The following TECPR2 variants were observed in gnomAD, a reference collection of about 807,000 sequenced individuals.
TECPR2 encodes the protein tectonin beta-propeller repeat-containing protein 2.
A neutral mutation model predicts 138.1 loss-of-function variants in TECPR2; 65 were observed. That is an observed-to-expected ratio of 0.47 (90% CI 0.39 to 0.58). TECPR2 has a LOEUF of 0.58. Ranked by LOEUF, TECPR2 falls within the 20% of genes least tolerant of loss-of-function variation. The probability of loss-of-function intolerance (pLI) is 0.00; values close to 1 mark genes in which losing one functional copy is unlikely to be tolerated. For synonymous variants in TECPR2, 746 were observed against 749.8 expected (o/e 0.99, Z 0.08); for missense variants, 1,553 against 1,824.5 (o/e 0.85, Z 2.71).
At position 102,411,699 on chromosome 14, in the gene TECPR2, CAAAAAAAAAAAAAA is replaced by C. The variant is rs1173849759; in HGVS notation, c.481-2918_481-2905del. 7.2e-3 allele frequency among the ~76,000 whole-genome samples: 337 copies of C among 46,868 alleles called. 4 individuals carry two copies. Among genetic ancestry groups the C allele is most frequent in the East Asian group, 0.023 (44 of 1,910 alleles). 30.7% of individuals were successfully genotyped at this position (46,868 alleles called of 152,430 possible). On this transcript the variant is annotated intron_variant, in intron 4 of 19. Transcript: ENST00000359520. ...AGGTGAAATAAACAGCCATGTTGCT[CAAAAAAAAAAAAAA>C]AAAAAAAAAAAAAAAAAAGAAGATG...
intron 2 of TECPR2, among the ~76,000 whole-genome samples, chr14:102,393,456 A>G (rs1888232305): frequency 6.6e-6 from 1 of 152,230 alleles, no homozygotes; most frequent in East Asian, 1.9e-4. Flanking sequence ...CATTAACTCA[A>G]GCTCATTGGT....
intron 8 of TECPR2, 47 bp downstream of exon 8, chr14:102,432,175 C>A (rs1218012283): frequency 6.9e-7 from 1 of 1,446,360 alleles, no homozygotes; most frequent in East Asian, 2.5e-5. Flanking sequence ...ACAGTCTTTC[C>A]AGATTCTCTG....
chr14:102,463,412 GTC>G (rs1890462386), intron 16 of TECPR2, among the ~76,000 whole-genome samples: 1 of 100,982 alleles, frequency 9.9e-6, no homozygotes, highest in Admixed American at 1.4e-4. Context: ...GCGAGACTCC[GTC>G]TCAAAAAAAA....
At chr14:102,427,248 TATTA>T (rs1256312097) in intron 6 of TECPR2, among the ~76,000 whole-genome samples, 3 of 152,234 alleles carry the variant, frequency 2.0e-5, no homozygotes, top group African/African-American at 4.8e-5. Flanking sequence ...TATGTGCACT[TATTA>T]ATTAGTAGCA....
chr14:102,436,040 A>G (rs918419207), intron 9 of TECPR2, among the ~76,000 whole-genome samples: 2 of 152,192 alleles, frequency 1.3e-5, no homozygotes, highest in Non-Finnish European at 2.9e-5. Context: ...AGTGCTCACC[A>G]TGTGCAGGTA....
At position 102,465,266 on chromosome 14, in the gene TECPR2, A is replaced by T. The variant is rs566443897; in HGVS notation, c.3766A>T (p.Ile1256Leu). 6.2e-7 allele frequency: 1 copy of T among 1,614,018 alleles called. No homozygotes were observed. The highest frequency in any genetic ancestry group is 1.7e-5 in the Admixed American group (1 of 59,986). ...LNPSLMLPAW[I>L]MIEPPVQPAG... The stretch of plus-strand genomic sequence containing the variant: ...TCCCAGTCTCATGCTTCCAGCCTGG[A>T]TAATGATTGAGCCACCTGTCCAGGT... Residue 1256 changes from isoleucine to leucine, a missense_variant, in exon 17 of 20, where the codon ATA (isoleucine) becomes TTA (leucine). Physicochemically the swap from Ile to Leu is conservative, Grantham distance 5. Transcript: ENST00000359520.
chr14:102,384,908 G>A (rs935137162), intron 2 of TECPR2, among the ~76,000 whole-genome samples: 5 of 131,232 alleles, frequency 3.8e-5, no homozygotes, highest in African/African-American at 1.1e-4. Context: ...CCTGGCTGGA[G>A]TGCAGTGGTG....
chr14:102,376,041 G>T (rs1251384141), intron 1 of TECPR2, among the ~76,000 whole-genome samples: 1 of 152,192 alleles, frequency 6.6e-6, no homozygotes, highest in East Asian at 1.9e-4. Flanking sequence ...AGAGTAAGGT[G>T]CTGTGTGGCT....
At chr14:102,478,204 C>T (rs1184737947) in intron 17 of TECPR2, among the ~76,000 whole-genome samples, 2 of 151,746 alleles carry the variant, frequency 1.3e-5, no homozygotes, top group Non-Finnish European at 2.9e-5. Context: ...TGCACCACCG[C>T]ACCTAGCTAA....
intron 17 of TECPR2, among the ~76,000 whole-genome samples, chr14:102,470,354 C>G (rs1439841202): frequency 6.7e-6 from 1 of 150,312 alleles, no homozygotes. Context: ...GTCACCCAGG[C>G]TAGAGGATGT....
In TECPR2 at chr14:102,500,014, TCA is replaced by T. The variant is rs1405060397; in HGVS notation, c.*1759_*1760del. ...TGTCTGTTGTGCCTTGCCCGGCGCCTCACGGATGGCAAAGCTCTCCTCACCCA... is the reference window on the plus strand; with the variant it reads ...TGTCTGTTGTGCCTTGCCCGGCGCCTCGGATGGCAAAGCTCTCCTCACCCA... On this transcript the variant is annotated 3_prime_UTR_variant, in exon 20 of 20. Transcript: ENST00000359520. The T allele has an allele frequency of 2.6e-5, 4 of 152,682 alleles. No individual in the cohort carries two copies. The highest frequency in any genetic ancestry group is 9.6e-5 in the African/African-American group (4 of 41,460). 9.5% of individuals were successfully genotyped at this position (152,682 alleles called of 1,614,324 possible).
intron 17 of TECPR2, among the ~76,000 whole-genome samples, chr14:102,473,266 C>T (rs1422666862): frequency 1.3e-5 from 2 of 152,192 alleles, no homozygotes; most frequent in Non-Finnish European, 2.9e-5. Context: ...CCTCACACGT[C>T]GTATTTTAGG....
At chr14:102,412,454 C>CA (rs995464994) in intron 4 of TECPR2, among the ~76,000 whole-genome samples, 1 of 151,892 alleles carries the variant, frequency 6.6e-6, no homozygotes, top group Non-Finnish European at 1.5e-5. Flanking sequence ...AATACAATAT[C>CA]AAAAAAATAC....
chr14:102,390,434 T>C (rs1054155994), intron 2 of TECPR2, among the ~76,000 whole-genome samples: 1 of 152,086 alleles, frequency 6.6e-6, no homozygotes. Flanking sequence ...ACACAATAGA[T>C]GAGATCAGAA....
intron 2 of TECPR2, among the ~76,000 whole-genome samples, chr14:102,395,239 C>G (rs570063673): frequency 1.3e-5 from 2 of 152,266 alleles, no homozygotes; most frequent in South Asian, 4.1e-4. Flanking sequence ...GGGACTGTGA[C>G]CTACTTTATT....
chr14:102,388,156 G>A (rs1425564933), intron 2 of TECPR2, among the ~76,000 whole-genome samples: 1 of 152,160 alleles, frequency 6.6e-6, no homozygotes, highest in Non-Finnish European at 1.5e-5. Context: ...TAACTTTTAG[G>A]TCCAGTGATG....
chr14:102,364,872 G>C (rs1037975873), intron 1 of TECPR2, among the ~76,000 whole-genome samples: 1 of 152,162 alleles, frequency 6.6e-6, no homozygotes, highest in Non-Finnish European at 1.5e-5. Context: ...TCAGGAAAGG[G>C]TTATAATGAA....
chr14:102,421,098 A>G (rs1889168638), intron 5 of TECPR2, among the ~76,000 whole-genome samples: 3 of 152,254 alleles, frequency 2.0e-5, no homozygotes, highest in Non-Finnish European at 2.9e-5. Context: ...TGAGTGCTTT[A>G]GTTACATAAG....
chr14:102,493,052 T>C (rs909694251), intron 17 of TECPR2, among the ~76,000 whole-genome samples: 5 of 152,230 alleles, frequency 3.3e-5, no homozygotes, highest in Non-Finnish European at 7.3e-5. Context: ...AGCGCCCATC[T>C]TTCTCTATCT....
Sources: allele counts gnomAD v4.1 joint callset (sites outside exome capture counted in the v4.1 genomes callset), GRCh38; gene constraint gnomAD v4.1.1; transcripts MANE v1.5; gene names NCBI Gene and HGNC (gene_info 2026-07-23, HGNC 2026-07-21).